The following ATL3 variants were observed in gnomAD, a reference collection of about 807,000 sequenced individuals.
ATL3 encodes the protein atlastin GTPase 3, also known as atlastin-3.
In ATL3, 49 loss-of-function variants were observed where a neutral mutation model predicts 69.5. That is an observed-to-expected ratio of 0.71 (90% CI 0.56 to 0.89). The LOEUF (loss-of-function observed/expected upper bound fraction) is 0.89. ATL3 is among the 40% of genes least tolerant of loss of function. ATL3 has a pLI of 0.00. For synonymous variants in ATL3, 214 were observed against 224.1 expected (o/e 0.95, Z 0.40); for missense variants, 606 against 645.7 (o/e 0.94, Z 0.67).
chr11:63,630,190 A>C (rs1939258918), intron 12 of ATL3, among the ~76,000 whole-genome samples: 1 of 151,418 alleles, frequency 6.6e-6, no homozygotes, highest in Non-Finnish European at 1.5e-5. Context: ...AGGTGGGTGG[A>C]TCACCTGAGG....
At chr11:63,665,060 G>C (rs1401431942) in intron 1 of ATL3, among the ~76,000 whole-genome samples, 3 of 152,162 alleles carry the variant, frequency 2.0e-5, no homozygotes, top group Non-Finnish European at 4.4e-5. Context: ...AATGTATACA[G>C]TTGAGACTGG....
intron 5 of ATL3, chr11:63,650,685 C>T: frequency 6.6e-6 from 1 of 152,162 alleles, no homozygotes; most frequent in East Asian, 1.9e-4. Context: ...AGTCCTCGCA[C>T]CTGGTACCTG....
Position 63,629,023 on chromosome 11 carries a change from C to T in ATL3, c.*296G>A. 1 of 331,124 alleles carries T rather than the reference C, an allele frequency of 3.0e-6. No individual in the cohort carries two copies. The highest frequency in any genetic ancestry group is 5.5e-6 in the Non-Finnish European group (1 of 180,488). The allele number at this position is 331,124 out of a possible 1,614,324, so 20.5% of individuals were successfully genotyped here. A position where few individuals can be genotyped will look rare whatever the true frequency, so the allele number is the denominator to read the frequency against. On this transcript the variant is annotated 3_prime_UTR_variant, in exon 13 of 13. Transcript: ENST00000398868. Reference sequence around the variant, plus strand: ...CATAAAGAACTTAAAAGCTGCATTTCCATTTTTCCTCTAGCTTCCTCCTCC... The same window carrying T: ...CATAAAGAACTTAAAAGCTGCATTTTCATTTTTCCTCTAGCTTCCTCCTCC...
chr11:63,630,025 T>C (rs1590714817), intron 12 of ATL3, among the ~76,000 whole-genome samples: 1 of 152,270 alleles, frequency 6.6e-6, no homozygotes, highest in East Asian at 1.9e-4. Flanking sequence ...AAGTTCATAA[T>C]TTTTTCAAAG....
At chr11:63,670,936 G>A (rs1246860213) in intron 1 of ATL3, among the ~76,000 whole-genome samples, 4 of 152,126 alleles carry the variant, frequency 2.6e-5, no homozygotes, top group African/African-American at 9.7e-5. Flanking sequence ...GGGCTCGGCG[G>A]GGCCGAAGCT....
intron 1 of ATL3, among the ~76,000 whole-genome samples, chr11:63,667,633 G>A (rs1421928472): frequency 6.6e-6 from 1 of 152,026 alleles, no homozygotes; most frequent in Non-Finnish European, 1.5e-5. Flanking sequence ...GCGTGGTGGT[G>A]CATGACTGCA....
chr11:63,661,545 AC>A (rs1365857375), intron 1 of ATL3, among the ~76,000 whole-genome samples: 1 of 152,082 alleles, frequency 6.6e-6, no homozygotes, highest in Non-Finnish European at 1.5e-5. Context: ...GGAGTTCAAG[AC>A]CAACTTGGCC....
At position 63,625,211 on chromosome 11, in the gene ATL3, A is replaced by G. The variant is rs1939066216; in HGVS notation, c.*4108T>C. On this transcript the variant is annotated 3_prime_UTR_variant, in exon 13 of 13. Coordinates refer to ENST00000398868, the MANE Select transcript of ATL3 (RefSeq NM_015459.5). Reference sequence around the variant, plus strand: ...AATCACACAAATAGTTTGTACTTTCATAACTGAAGCTTGTCTTCATTATGC... The same window carrying G: ...AATCACACAAATAGTTTGTACTTTCGTAACTGAAGCTTGTCTTCATTATGC... 6.6e-6 allele frequency: 1 copy of G among 152,332 alleles called. No homozygotes were observed. The highest frequency in any genetic ancestry group is 1.5e-5 in the Non-Finnish European group (1 of 68,026). The allele number at this position is 152,332 out of a possible 1,614,324, so 9.4% of individuals were successfully genotyped here. A position where few individuals can be genotyped will look rare whatever the true frequency, so the allele number is the denominator to read the frequency against.
chr11:63,636,312 C>A lies in ATL3; in HGVS notation c.873G>T (p.Glu291Asp). ...KLKDIAGEFK[E>D]QLQALIPYVL... Reference sequence around the variant, plus strand: ...CATACGGTATCAGTGCCTGTAACTGCTCTTTGAATTCACCAGCAATATCTG... The same window carrying A: ...CATACGGTATCAGTGCCTGTAACTGATCTTTGAATTCACCAGCAATATCTG... The change falls in exon 9 of 13, where the codon GAG becomes GAT. Residue 291 changes from glutamate to aspartate, a missense_variant. Glu to Asp is a conservative substitution (Grantham distance 45). Transcript: ENST00000398868. The A allele has an allele frequency of 1.9e-6, 3 of 1,614,104 alleles. No homozygotes were observed. The highest frequency in any genetic ancestry group is 2.5e-6 in the Non-Finnish European group (3 of 1,180,034).
At chr11:63,642,372 ACATT>A in intron 8 of ATL3, among the ~76,000 whole-genome samples, 1 of 152,348 alleles carries the variant, frequency 6.6e-6, no homozygotes, top group African/African-American at 2.4e-5. Context: ...CTTGAGTTGA[ACATT>A]CATTTTCTTG....
chr11:63,652,133 T>G, intron 4 of ATL3, 147 bp from the exon 5 acceptor site: 1 of 1,388,160 alleles, frequency 7.2e-7, no homozygotes, highest in Middle Eastern at 2.4e-4. Context: ...TGATCTGTCT[T>G]TTGGAAAACT....
At chr11:63,632,685 T>G (rs1391130091) in intron 11 of ATL3, 2 of 1,258,246 alleles carry the variant, frequency 1.6e-6, no homozygotes, top group Non-Finnish European at 2.3e-6. Flanking sequence ...TGGATTTTTA[T>G]GTGCCAGCCT....
rs1940724181 is a variant in ATL3 at position 63,670,028 on chromosome 11, C to T, written c.46+1262G>A. ...GGATGAGGCAGAAGAATTGCTTGAA[C>T]CCAGGAAGCGGAGGTTGCAATCAGC... On this transcript the variant is annotated intron_variant, in intron 1 of 12. Transcript: ENST00000398868. 2.0e-5 allele frequency among the ~76,000 whole-genome samples: 3 copies of T among 152,224 alleles called. No homozygotes were observed. In the South Asian group the frequency reaches 6.2e-4, roughly 32 times the overall value.
intron 3 of ATL3, among the ~76,000 whole-genome samples, chr11:63,655,154 A>G (rs901922682): frequency 1.3e-5 from 2 of 152,046 alleles, no homozygotes; most frequent in African/African-American, 2.4e-5. Context: ...TGCTGTTTAG[A>G]TTTGTTAAAT....
At position 63,628,133 on chromosome 11, in the gene ATL3, A is replaced by G. The variant is rs1939179626; in HGVS notation, c.*1186T>C. 1.3e-5 allele frequency: 2 copies of G among 152,242 alleles called. No individual in the cohort carries two copies. Among genetic ancestry groups the G allele is most frequent in the African/African-American group, 2.4e-5 (1 of 41,472 alleles). The allele number at this position is 152,242 out of a possible 1,614,324, so 9.4% of individuals were successfully genotyped here. On this transcript the variant is annotated 3_prime_UTR_variant, in exon 13 of 13. Transcript: ENST00000398868. ...GACAATTACAAGAGTTGTGTAAAACATACATACATATGTAAACCTACAGTG... is the reference window on the plus strand; with the variant it reads ...GACAATTACAAGAGTTGTGTAAAACGTACATACATATGTAAACCTACAGTG...
intron 5 of ATL3, among the ~76,000 whole-genome samples, chr11:63,647,154 G>A (rs1180998686): frequency 6.6e-6 from 1 of 152,078 alleles, no homozygotes; most frequent in Non-Finnish European, 1.5e-5. Context: ...TACCGAAAAA[G>A]ATTACAAGTT....
chr11:63,630,206 A>C (rs1010642233), intron 12 of ATL3, among the ~76,000 whole-genome samples: 1 of 150,842 alleles, frequency 6.6e-6, no homozygotes, highest in Non-Finnish European at 1.5e-5. Context: ...TGAGGTCAGG[A>C]GTTCAAGACC....
intron 8 of ATL3, among the ~76,000 whole-genome samples, chr11:63,638,878 A>G (rs1367900589): frequency 6.6e-6 from 1 of 152,196 alleles, no homozygotes; most frequent in African/African-American, 2.4e-5. Context: ...CCACTAAAAT[A>G]ATTCCTAAAG....
chr11:63,652,633 A>G, intron 3 of ATL3, 58 bp from the exon 4 acceptor site: 1 of 1,329,320 alleles, frequency 7.5e-7, no homozygotes, highest in Middle Eastern at 1.9e-4. Flanking sequence ...GAAACCGTAA[A>G]GGAGAAATTG....
Sources: gnomAD v4.1 joint callset for allele counts (sites outside exome capture counted in the v4.1 genomes callset) on GRCh38, gnomAD v4.1.1 for gene constraint, MANE v1.5 for transcripts, NCBI Gene and HGNC (gene_info 2026-07-23, HGNC 2026-07-21) for gene names.